The following PXDN variants were observed in gnomAD, a reference collection of about 807,000 sequenced individuals.
PXDN encodes peroxidasin homolog.
PXDN carries 77 observed loss-of-function variants against 140.3 expected under a neutral mutation model. The ratio of observed to expected loss-of-function variants is 0.55; its 90% CI spans 0.46 to 0.66. The LOEUF (loss-of-function observed/expected upper bound fraction) is 0.66, where lower values mean the gene tolerates loss of function less well. Ranked by LOEUF, PXDN falls within the 30% of genes least tolerant of loss-of-function variation. The probability of loss-of-function intolerance (pLI) is 0.00; values close to 1 mark genes in which losing one functional copy is unlikely to be tolerated. For synonymous variants in PXDN, 911 were observed against 857.4 expected (o/e 1.06, Z -1.09); for missense variants, 1,838 against 2,039.5 (o/e 0.90, Z 1.90).
chr2:1,673,825 A>T lies in PXDN; in HGVS notation c.849-13T>A. The T allele has an allele frequency of 6.2e-7, 1 of 1,613,774 alleles. No individual in the cohort carries two copies. Among genetic ancestry groups the T allele is most frequent in the South Asian group, 1.1e-5 (1 of 91,072 alleles). Reference sequence around the variant, plus strand: ...GCTCAGCTCATTACTACAAAGACAGAAATATGGTCTGGTCAAGTGTTGAAA... The same window carrying T: ...GCTCAGCTCATTACTACAAAGACAGTAATATGGTCTGGTCAAGTGTTGAAA... On this transcript the variant is annotated splice_polypyrimidine_tract_variant and intron_variant, in intron 8 of 22. Coordinates refer to ENST00000252804, the MANE Select transcript of PXDN (RefSeq NM_012293.3).
chr2:1,664,014 G>C lies in PXDN; in HGVS notation c.1409-251C>G, dbSNP rs2241454. 63,247 of 486,342 alleles carry C rather than the reference G, an allele frequency of 0.13. 5,092 individuals are homozygous for C. The highest frequency in any genetic ancestry group is 0.27 in the East Asian group (7,796 of 28,734). 30.1% of individuals were successfully genotyped at this position (486,342 alleles called of 1,614,324 possible). ...ACAGAGGGAAAAGCACTACACAGGGGGCCAGGAGGACATGGGGACTCGGGG... is the reference window on the plus strand; with the variant it reads ...ACAGAGGGAAAAGCACTACACAGGGCGCCAGGAGGACATGGGGACTCGGGG... On this transcript the variant is annotated intron_variant, in intron 11 of 22. Coordinates refer to ENST00000252804, the MANE Select transcript of PXDN (RefSeq NM_012293.3).
intron 8 of PXDN, among the ~76,000 whole-genome samples, chr2:1,675,080 A>G (rs1683667844): frequency 1.3e-5 from 2 of 152,146 alleles, no homozygotes; most frequent in Non-Finnish European, 2.9e-5. Flanking sequence ...CCCAACTTGC[A>G]ATCTGTCCTT....
At position 1,687,764 on chromosome 2, in the gene PXDN, AAAG is replaced by A. The variant is rs1684095156; in HGVS notation, c.345-64_345-62del. On this transcript the variant is annotated intron_variant, in intron 3 of 22. Coordinates refer to ENST00000252804, the MANE Select transcript of PXDN (RefSeq NM_012293.3). The surrounding 1 kb of genome is among the most constrained non-coding windows in gnomAD (Gnocchi z 4.0). ...GACAGGAGGTCAAACTTCAGACGGA[AAAG>A]AAGAATTAAATTGACACATGGAGAC... 15 of 1,283,322 alleles carry A rather than the reference AAAG, an allele frequency of 1.2e-5. No homozygotes were observed. Among genetic ancestry groups the A allele is most frequent in the South Asian group, 6.7e-5 (5 of 74,768 alleles). The allele number at this position is 1,283,322 out of a possible 1,614,324, so 79.5% of individuals were successfully genotyped here.
At chr2:1,644,868 T>C in intron 17 of PXDN, 116 bp from the exon 18 acceptor site, 1 of 1,156,296 alleles carries the variant, frequency 8.6e-7, no homozygotes, top group Non-Finnish European at 1.1e-6. Context: ...TTTAGAATTT[T>C]ACTTAACAAA....
Position 1,653,584 on chromosome 2 carries a change from G to A in PXDN, c.2104+44C>T, listed in dbSNP as rs747653774. 6.7e-5 allele frequency: 108 copies of A among 1,603,804 alleles called. 1 individual carries two copies. The highest frequency in any genetic ancestry group is 8.2e-5 in the Non-Finnish European group (96 of 1,174,890). On this transcript the variant is annotated intron_variant, in intron 16 of 22. Coordinates refer to ENST00000252804, the MANE Select transcript of PXDN (RefSeq NM_012293.3). ...ACTTAACTGAGGCGTGTTCAACCCC[G>A]TTACTCAGGCCATGGAGGAGGAAGA... is the stretch of plus-strand genomic sequence containing the variant.
chr2:1,705,976 G>A (rs751505291), intron 1 of PXDN, among the ~76,000 whole-genome samples: 2 of 144,442 alleles, frequency 1.4e-5, no homozygotes, highest in Non-Finnish European at 3.0e-5. Flanking sequence ...AGGCCCTGCC[G>A]CTCAGGCATC....
chr2:1,666,467 G>T lies in PXDN; in HGVS notation c.1038C>A (p.Ile346=), dbSNP rs766648372. 6 of 1,594,500 alleles carry T rather than the reference G, an allele frequency of 3.8e-6. No individual in the cohort carries two copies. Among genetic ancestry groups the T allele is most frequent in the South Asian group, 1.1e-5 (1 of 90,392 alleles). The part of the protein sequence containing the change: ...FGSPARPTFV[I]QPQNTEVLVG... Reference sequence around the variant, plus strand: ...CCAGCACCTCTGTATTCTGTGGCTGGATTACAAAAGTGGGTCGAGCTGTCA... The same window carrying T: ...CCAGCACCTCTGTATTCTGTGGCTGTATTACAAAAGTGGGTCGAGCTGTCA... Residue 346 remains isoleucine, a synonymous_variant, in exon 10 of 23, where the codon ATC becomes ATA. Coordinates refer to ENST00000252804, the MANE Select transcript of PXDN (RefSeq NM_012293.3).
intron 1 of PXDN, among the ~76,000 whole-genome samples, chr2:1,700,704 T>C (rs1234056664): frequency 6.6e-6 from 1 of 151,700 alleles, no homozygotes; most frequent in Non-Finnish European, 1.5e-5. Context: ...TGAAACCCTG[T>C]CTCTACTAAA....
chr2:1,667,092 T>C (rs1180191443), intron 9 of PXDN, among the ~76,000 whole-genome samples: 1 of 152,010 alleles, frequency 6.6e-6, no homozygotes, highest in Non-Finnish European at 1.5e-5. Flanking sequence ...ACTGAAGATG[T>C]GCACACTCTA....
chr2:1,693,332 C>A (rs1684225617), intron 1 of PXDN, among the ~76,000 whole-genome samples, 198 bp from the exon 2 acceptor site: 1 of 152,216 alleles, frequency 6.6e-6, no homozygotes, highest in South Asian at 2.1e-4. Context: ...ACACCAGTAA[C>A]CCATTACAGA....
rs1473614592 is a variant in PXDN, at chr2:1,632,126, T to C, written c.*2078A>G. The stretch of plus-strand genomic sequence containing the variant: ...CTGATTACAGAGAGTATCAAACTGG[T>C]GATTCCGCAGACATTTTGGTTTGAA... On this transcript the variant is annotated 3_prime_UTR_variant, in exon 23 of 23. Transcript: ENST00000252804. The surrounding 1 kb of genome is among the most constrained non-coding windows in gnomAD (Gnocchi z 4.3). 6.6e-6 allele frequency: 1 copy of C among 152,446 alleles called. No individual in the cohort carries two copies. The highest frequency in any genetic ancestry group is 2.4e-5 in the African/African-American group (1 of 41,462). 9.4% of individuals were successfully genotyped at this position (152,446 alleles called of 1,614,324 possible).
chr2:1,740,288 C>A (rs914454194), intron 1 of PXDN, among the ~76,000 whole-genome samples: 1 of 152,150 alleles, frequency 6.6e-6, no homozygotes, highest in Non-Finnish European at 1.5e-5. Context: ...CCTCTATCTG[C>A]GTGTGAGGAG....
In PXDN at chr2:1,649,728, G is replaced by C; in HGVS notation, c.2105-53C>G. ...CTCAATTCCCCTGGAGGATGTGTGA[G>C]GGCCCGGTACCCCTTGGCACCTCTG... On this transcript the variant is annotated intron_variant, in intron 16 of 22. Coordinates refer to ENST00000252804, the MANE Select transcript of PXDN (RefSeq NM_012293.3). This position sits in a 1 kb window ranked among gnomAD's most constrained non-coding sequence, Gnocchi z 7.1. 1 of 1,592,392 alleles carries C rather than the reference G, an allele frequency of 6.3e-7. No homozygotes were observed. The highest frequency in any genetic ancestry group is 1.1e-5 in the South Asian group (1 of 90,040).
At chr2:1,638,732 T>C (rs1682635486) in intron 21 of PXDN, 114 bp downstream of exon 21, 6 of 1,492,942 alleles carry the variant, frequency 4.0e-6, no homozygotes, top group South Asian at 3.5e-5. Flanking sequence ...CTGGGTCCTG[T>C]GTGGGCAGTT....
At chr2:1,728,975 CG>C (rs1685251810) in intron 1 of PXDN, among the ~76,000 whole-genome samples, 1 of 152,156 alleles carries the variant, frequency 6.6e-6, no homozygotes, top group African/African-American at 2.4e-5. Context: ...GGCTCCGCCC[CG>C]GGGAACAGCA....
Position 1,679,512 on chromosome 2 carries a change from C to CGTGT in PXDN, c.730+677_730+680dup, listed in dbSNP as rs761706169. Among the ~76,000 whole-genome samples, 7 of 111,684 alleles carry CGTGT rather than the reference C, an allele frequency of 6.3e-5. No individual in the cohort carries two copies. In the East Asian group the frequency reaches 8.6e-4, roughly 14 times the overall value. 73.3% of individuals were successfully genotyped at this position (111,684 alleles called of 152,430 possible). A position where few individuals can be genotyped will look rare whatever the true frequency, so the allele number is the denominator to read the frequency against. ...TGTAAATGGTGTGTGTGTGTATGTG[C>CGTGT]GTGTGTGTGGTTTGTGTCTGCATGT... is the stretch of plus-strand genomic sequence containing the variant. On this transcript the variant is annotated intron_variant, in intron 7 of 22. Transcript: ENST00000252804.
intron 1 of PXDN, among the ~76,000 whole-genome samples, chr2:1,743,596 C>T (rs1231557008): frequency 7.5e-6 from 1 of 134,092 alleles, no homozygotes; most frequent in Non-Finnish European, 1.6e-5. Flanking sequence ...GCACTGCGCT[C>T]CAAGGGGCGG....
rs1419182749 is a variant in PXDN, at chr2:1,633,204, A to C, written c.*1000T>G. 1.4e-5 allele frequency: 2 copies of C among 144,580 alleles called. No individual in the cohort carries two copies. Among genetic ancestry groups the C allele is most frequent in the Admixed American group, 1.4e-4 (2 of 14,002 alleles). 9.0% of individuals were successfully genotyped at this position (144,580 alleles called of 1,614,324 possible). ...TTTTTTAACGCACTCACACAACCTGAAGTTAGACAGTTCCCGACACTTGAG... is the reference window on the plus strand; with the variant it reads ...TTTTTTAACGCACTCACACAACCTGCAGTTAGACAGTTCCCGACACTTGAG... On this transcript the variant is annotated 3_prime_UTR_variant, in exon 23 of 23. Coordinates refer to ENST00000252804, the MANE Select transcript of PXDN (RefSeq NM_012293.3).
At chr2:1,719,344 C>A (rs1041515273) in intron 1 of PXDN, among the ~76,000 whole-genome samples, 1 of 152,188 alleles carries the variant, frequency 6.6e-6, no homozygotes, top group Non-Finnish European at 1.5e-5. Flanking sequence ...GGCTCTGTCC[C>A]AGGCCCTCCT....
Sources: allele counts gnomAD v4.1 joint callset (sites outside exome capture counted in the v4.1 genomes callset), GRCh38; gene constraint gnomAD v4.1.1; non-coding constraint Gnocchi (gnomAD v3.1); transcripts MANE v1.5; gene names NCBI Gene and HGNC (gene_info 2026-07-23, HGNC 2026-07-21).